Variants in LRMDA observed in about 807,000 individuals in gnomAD.
LRMDA encodes the protein leucine rich melanocyte differentiation associated.
Under a neutral mutation model 29.8 loss-of-function variants are expected in LRMDA, and 18 were observed. The ratio of observed to expected loss-of-function variants is 0.60; its 90% confidence interval spans 0.42 to 0.90. The LOEUF is 0.90. LRMDA is among the 40% of genes least tolerant of loss of function. The pLI, the probability that LRMDA is intolerant of heterozygous loss-of-function variation, is 0.00. For missense variants in LRMDA, 273 were observed against 273.9 expected, an observed-to-expected ratio of 1.00 and a Z score of 0.02; for synonymous variants, 125 against 109.4, an observed-to-expected ratio of 1.14 and a Z score of -0.89.
intron 5 of LRMDA, among the ~76,000 whole-genome samples, chr10:76,147,747 G>C (rs1337430071): frequency 6.6e-6 from 1 of 152,230 alleles, no homozygotes; most frequent in East Asian, 1.9e-4. Flanking sequence ...TTCCTTCGGA[G>C]GAGGAGAGGC....
intron 1 of LRMDA, among the ~76,000 whole-genome samples, chr10:75,432,697 C>T (rs752015372): frequency 2.0e-5 from 3 of 152,222 alleles, no homozygotes; most frequent in Non-Finnish European, 4.4e-5. Flanking sequence ...TTTGAGATTA[C>T]TTTGGGCTGA....
At chr10:76,072,923 C>T (rs978492419) in intron 5 of LRMDA, among the ~76,000 whole-genome samples, 2 of 152,242 alleles carry the variant, frequency 1.3e-5, no homozygotes, top group African/African-American at 4.8e-5. Flanking sequence ...CTTCCAGTCT[C>T]CATGTTTCCA....
intron 2 of LRMDA, among the ~76,000 whole-genome samples, chr10:75,704,457 T>C (rs972627198): frequency 1.3e-5 from 2 of 152,220 alleles, no homozygotes; most frequent in Admixed American, 6.5e-5. Flanking sequence ...GTTTTAAAAG[T>C]TAATCTTGGA....
chr10:76,478,333 C>G (rs1382970352), intron 6 of LRMDA, among the ~76,000 whole-genome samples: 1 of 152,162 alleles, frequency 6.6e-6, no homozygotes, highest in African/African-American at 2.4e-5. Context: ...AAATGCAAAT[C>G]AAAACCCAAT....
At chr10:76,521,303 T>G (rs757716992) in intron 6 of LRMDA, among the ~76,000 whole-genome samples, 1 of 151,998 alleles carries the variant, frequency 6.6e-6, no homozygotes, top group Admixed American at 6.6e-5. Flanking sequence ...CCGGCTAATT[T>G]TTTTGTATTT....
At chr10:75,584,031 C>T (rs1004755073) in intron 2 of LRMDA, among the ~76,000 whole-genome samples, 3 of 152,128 alleles carry the variant, frequency 2.0e-5, no homozygotes, top group African/African-American at 7.2e-5. Context: ...GTCTCATGTC[C>T]TTCACGTGGT....
chr10:76,541,295 GGTCGA>G (rs1360454611), intron 6 of LRMDA, among the ~76,000 whole-genome samples: 1 of 152,134 alleles, frequency 6.6e-6, no homozygotes, highest in Non-Finnish European at 1.5e-5. Flanking sequence ...GAGGTCAGGA[GGTCGA>G]GTCCAGCCTA....
intron 6 of LRMDA, among the ~76,000 whole-genome samples, chr10:76,457,039 C>T (rs1032188421): frequency 1.3e-5 from 2 of 152,078 alleles, no homozygotes; most frequent in Non-Finnish European, 2.9e-5. Flanking sequence ...TGGATGTCTG[C>T]GGATGGTCAG....
intron 5 of LRMDA, among the ~76,000 whole-genome samples, chr10:76,118,421 C>A (rs1449434147): frequency 2.6e-5 from 4 of 152,088 alleles, no homozygotes; most frequent in Non-Finnish European, 5.9e-5. Context: ...AATGTTATTA[C>A]CCAATCAGAG....
Position 76,170,671 on chromosome 10 carries a change from A to T in LRMDA, c.516+111888A>T, listed in dbSNP as rs143417213. Among the ~76,000 whole-genome samples the T allele has an allele frequency of 1.7e-3, 260 of 152,352 alleles. 1 individual carries two copies. The highest frequency in any genetic ancestry group is 5.8e-3 in the African/African-American group (242 of 41,576). On this transcript the variant is annotated intron_variant, in intron 5 of 6. Transcript: ENST00000611255. Reference sequence around the variant, plus strand: ...ACTGGAGCATAAGTAAATGTTTATCATATAAAGGAAACTATATCTCTAGAA... The same window carrying T: ...ACTGGAGCATAAGTAAATGTTTATCTTATAAAGGAAACTATATCTCTAGAA...
At position 76,559,512 on chromosome 10, in the gene LRMDA, A is replaced by G. The variant is rs1243749342; in HGVS notation, c.*2224A>G. On this transcript the variant is annotated 3_prime_UTR_variant, in exon 7 of 7. Transcript: ENST00000611255. ...ATAGTCAGCTTTGTTTCTCTTAAGC[A>G]GGGATAGTGATAATGAAGTGCTGGG... 1 of 152,212 alleles carries G rather than the reference A, an allele frequency of 6.6e-6. No individual in the cohort carries two copies. The highest frequency in any genetic ancestry group is 1.5e-5 in the Non-Finnish European group (1 of 68,034). The allele number at this position is 152,212 out of a possible 1,614,324, so 9.4% of individuals were successfully genotyped here.
chr10:75,477,413 G>A (rs551152502), intron 2 of LRMDA, among the ~76,000 whole-genome samples: 4 of 152,276 alleles, frequency 2.6e-5, no homozygotes, highest in South Asian at 2.1e-4. Context: ...AATTCAGCCC[G>A]TAATACCCTT....
intron 2 of LRMDA, among the ~76,000 whole-genome samples, chr10:75,520,909 C>T (rs1391808455): frequency 6.6e-6 from 1 of 152,184 alleles, no homozygotes; most frequent in East Asian, 1.9e-4. Flanking sequence ...ATTCCCCTTT[C>T]TGTTTGTTAG....
chr10:76,401,984 A>C (rs1841853901), intron 6 of LRMDA, among the ~76,000 whole-genome samples: 1 of 152,092 alleles, frequency 6.6e-6, no homozygotes, highest in Admixed American at 6.6e-5. Context: ...AACAGACAAT[A>C]AACAAGATGA....
intron 2 of LRMDA, among the ~76,000 whole-genome samples, chr10:75,769,913 G>A (rs1261557298): frequency 6.6e-6 from 1 of 152,138 alleles, no homozygotes; most frequent in East Asian, 1.9e-4. Flanking sequence ...AACTGGCAAG[G>A]TGGAGGTTGC....
At chr10:75,751,383 G>A (rs371176929) in intron 2 of LRMDA, among the ~76,000 whole-genome samples, 1 of 152,046 alleles carries the variant, frequency 6.6e-6, no homozygotes, top group South Asian at 2.1e-4. Context: ...GGGAGAGGGA[G>A]GGAGAGGAAT....
chr10:75,923,675 T>C (rs1044515641), intron 2 of LRMDA, among the ~76,000 whole-genome samples: 10 of 152,178 alleles, frequency 6.6e-5, no homozygotes, highest in Admixed American at 5.9e-4. Context: ...GTGTTGCTCA[T>C]GCATGGAAGA....
chr10:76,123,700 TTC>T (rs1317371971), intron 5 of LRMDA, among the ~76,000 whole-genome samples: 1 of 152,248 alleles, frequency 6.6e-6, no homozygotes, highest in Non-Finnish European at 1.5e-5. Context: ...TGTGAAGGAA[TTC>T]TTTCACTCAG....
At chr10:76,290,703 T>C (rs576363100) in intron 5 of LRMDA, among the ~76,000 whole-genome samples, 39 of 152,340 alleles carry the variant, frequency 2.6e-4, no homozygotes, top group Admixed American at 6.5e-4. Context: ...ATTACAGGCC[T>C]GAGCCACTGC....
Sources: allele counts gnomAD v4.1 joint callset (sites outside exome capture counted in the v4.1 genomes callset), GRCh38; gene constraint gnomAD v4.1.1; transcripts MANE v1.5; gene names NCBI Gene and HGNC (gene_info 2026-07-23, HGNC 2026-07-21).